Variants in STK32C observed in about 807,000 individuals in gnomAD.
STK32C encodes the protein serine/threonine-protein kinase 32C.
A neutral mutation model predicts 56.5 loss-of-function variants in STK32C; 31 were observed. The observed-to-expected ratio is 0.55, with a 90% confidence interval of 0.41 to 0.74. The LOEUF is 0.74. STK32C is among the 30% of genes least tolerant of loss of function. The pLI, the probability that STK32C is intolerant of heterozygous loss-of-function variation, is 0.00. For synonymous variants in STK32C, 309 were observed against 289.4 expected, an observed-to-expected ratio of 1.07 and a Z score of -0.69; for missense variants, 544 against 676.9, an observed-to-expected ratio of 0.80 and a Z score of 2.18.
At chr10:132,210,267 A>G (rs2062250017) in intron 10 of STK32C, among the ~76,000 whole-genome samples, 1 of 152,078 alleles carries the variant, frequency 6.6e-6, no homozygotes, top group South Asian at 2.1e-4. Context: ...CCTGCTATCC[A>G]TGGATCCTAT....
At chr10:132,283,768 A>G (rs1448142825) in intron 1 of STK32C, among the ~76,000 whole-genome samples, 1 of 152,106 alleles carries the variant, frequency 6.6e-6, no homozygotes, top group Non-Finnish European at 1.5e-5. Context: ...TGCGCCTGAG[A>G]CTGAGAAACA....
At chr10:132,289,970 A>G (rs1322562151) in intron 1 of STK32C, among the ~76,000 whole-genome samples, 3 of 152,208 alleles carry the variant, frequency 2.0e-5, no homozygotes, top group Admixed American at 2.0e-4. Flanking sequence ...AACTTATCAC[A>G]TCACGTTTGG....
chr10:132,322,225 G>A (rs1446286434), downstream of STK32C, among the ~76,000 whole-genome samples: 1 of 152,068 alleles, frequency 6.6e-6, no homozygotes, highest in Non-Finnish European at 1.5e-5. Flanking sequence ...TGAGCTATTG[G>A]TTTATATCTT....
At chr10:132,300,569 C>G (rs923992006) in intron 1 of STK32C, among the ~76,000 whole-genome samples, 1 of 152,256 alleles carries the variant, frequency 6.6e-6, no homozygotes, top group Non-Finnish European at 1.5e-5. Flanking sequence ...AGCAGGCATA[C>G]CATACAAATA....
upstream of STK32C, chr10:132,331,889 C>A (rs1314628127): frequency 1.9e-6 from 2 of 1,060,820 alleles, no homozygotes; most frequent in African/African-American, 1.6e-5. Flanking sequence ...GCACCACCCC[C>A]TGCCACCCCC....
upstream of STK32C, among the ~76,000 whole-genome samples, chr10:132,309,887 A>C (rs1313808169): frequency 6.6e-6 from 1 of 152,178 alleles, no homozygotes; most frequent in Non-Finnish European, 1.5e-5. Context: ...CCCCACCACC[A>C]CCTAAGAGGG....
intron 2 of STK32C, among the ~76,000 whole-genome samples, chr10:132,239,958 G>A (rs201215917): frequency 3.6e-4 from 55 of 152,358 alleles, no homozygotes; most frequent in East Asian, 3.5e-3. Flanking sequence ...TCCAATCGAC[G>A]TCAGCGTCCG....
intron 1 of STK32C, among the ~76,000 whole-genome samples, chr10:132,273,879 G>A (rs1267253381): frequency 7.0e-6 from 1 of 143,490 alleles, no homozygotes; most frequent in Non-Finnish European, 1.5e-5. Flanking sequence ...GTGGATCTAA[G>A]TGAAAGATCA....
At chr10:132,220,149 T>C (rs1225967875) in intron 10 of STK32C, among the ~76,000 whole-genome samples, 1 of 152,216 alleles carries the variant, frequency 6.6e-6, no homozygotes, top group Non-Finnish European at 1.5e-5. Context: ...CAAGATAAGA[T>C]GGGGCCATAC....
intron 1 of STK32C, among the ~76,000 whole-genome samples, chr10:132,254,463 C>G (rs192151885): frequency 6.6e-6 from 1 of 151,236 alleles, no homozygotes; most frequent in African/African-American, 2.4e-5. Flanking sequence ...TATGTCACCC[C>G]GGCACAATGC....
At chr10:132,306,698 A>G (rs2066075759) in intron 1 of STK32C, among the ~76,000 whole-genome samples, 1 of 152,254 alleles carries the variant, frequency 6.6e-6, no homozygotes, top group Non-Finnish European at 1.5e-5. Context: ...CATTTCAAGT[A>G]TTTTAAGAAA....
At chr10:132,240,389 G>A (rs950123837) in intron 2 of STK32C, among the ~76,000 whole-genome samples, 1 of 152,222 alleles carries the variant, frequency 6.6e-6, no homozygotes, top group Non-Finnish European at 1.5e-5. Flanking sequence ...GGTTGCCATA[G>A]CGACCACAGG....
chr10:132,271,903 GACA>G (rs1398529596), intron 1 of STK32C, among the ~76,000 whole-genome samples: 7 of 152,252 alleles, frequency 4.6e-5, no homozygotes, highest in African/African-American at 1.7e-4. Flanking sequence ...CTGCCTCAGT[GACA>G]ACACCACTGC....
intron 10 of STK32C, among the ~76,000 whole-genome samples, chr10:132,215,499 A>G (rs539280125): frequency 6.6e-6 from 1 of 152,128 alleles, no homozygotes; most frequent in Admixed American, 6.5e-5. Flanking sequence ...GGTTTTAAAA[A>G]CAAAAGTTTC....
chr10:132,250,845 G>C (rs894631494), intron 1 of STK32C, among the ~76,000 whole-genome samples: 30 of 152,330 alleles, frequency 2.0e-4, no homozygotes, highest in Non-Finnish European at 3.1e-4. Flanking sequence ...GTTCCAAGCT[G>C]GGCAAGAGGC....
Position 132,209,026 on chromosome 10 carries a change from A to T in STK32C, c.1319+8T>A, listed in dbSNP as rs772978028. ...GCCACCACGCCCACCCACCCCCAACACACTCACTTTTCTCTGTTAAAAATC... is the reference window on the plus strand; with the variant it reads ...GCCACCACGCCCACCCACCCCCAACTCACTCACTTTTCTCTGTTAAAAATC... On this transcript the variant is annotated splice_region_variant and intron_variant, in intron 11 of 11. Transcript: ENST00000298630. 1 of 1,611,220 alleles carries T rather than the reference A, an allele frequency of 6.2e-7. No individual in the cohort carries two copies. The highest frequency in any genetic ancestry group is 1.1e-5 in the South Asian group (1 of 90,980).
At chr10:132,280,545 CGTG>C (rs2065154441) in intron 1 of STK32C, among the ~76,000 whole-genome samples, 1 of 125,790 alleles carries the variant, frequency 7.9e-6, no homozygotes, top group Non-Finnish European at 1.7e-5. Context: ...GCCTCCACAC[CGTG>C]ACCACGCCCC....
intron 11 of STK32C, among the ~76,000 whole-genome samples, chr10:132,208,498 C>T (rs573934572): frequency 3.3e-5 from 5 of 152,330 alleles, no homozygotes; most frequent in Non-Finnish European, 5.9e-5. Context: ...TGCCCTCAGC[C>T]GTCTGCACGT....
rs1172893533 is a variant in STK32C at position 132,209,042 on chromosome 10, G to C, written c.1311C>G (p.Asn437Lys). The C allele has an allele frequency of 6.2e-7, 1 of 1,612,336 alleles. No individual in the cohort carries two copies. Among genetic ancestry groups the C allele is most frequent in the Non-Finnish European group, 8.5e-7 (1 of 1,178,752 alleles). The change falls in exon 11 of 12, where the codon AAC becomes AAG. Residue 437 changes from asparagine to lysine, a missense_variant. Coordinates refer to ENST00000298630, the MANE Select transcript of STK32C (RefSeq NM_173575.4). Reference sequence around the variant, plus strand: ...ACCCCCAACACACTCACTTTTCTCTGTTAAAAATCACGAAGTCTTGCTGGA... The same window carrying C: ...ACCCCCAACACACTCACTTTTCTCTCTTAAAAATCACGAAGTCTTGCTGGA... Reference protein sequence around the residue: ...DAIQQDFVIFNREKLKRSQDL... With the variant: ...DAIQQDFVIFKREKLKRSQDL...
Sources: allele counts gnomAD v4.1 joint callset (sites outside exome capture counted in the v4.1 genomes callset), GRCh38; gene constraint gnomAD v4.1.1; transcripts MANE v1.5; gene names NCBI Gene and HGNC (gene_info 2026-07-23, HGNC 2026-07-21).